DMD: variants seen among roughly 807,000 people sequenced by gnomAD.
DMD encodes mutant dystrophin.
A neutral mutation model predicts 330.1 loss-of-function variants in DMD; 63 were observed. The observed-to-expected ratio is 0.19, with a 90% CI of 0.16 to 0.24. DMD has a LOEUF of 0.24. Among genes scored for constraint, DMD ranks in the 10% least tolerant of loss-of-function variants. The pLI, the probability that DMD is intolerant of heterozygous loss-of-function variation, is 1.00. For missense variants in DMD, 3,344 were observed against 2,684.1 expected (o/e 1.25, Z -5.43); for synonymous variants, 1,223 against 959.8 (o/e 1.27, Z -5.07).
chrX:32,810,969 T>G lies in DMD; in HGVS notation c.531-1358A>C, dbSNP rs7066654. Reference sequence around the variant, plus strand: ...CGAAGACATAAACATGGCTCACTCCTTTACTTCCATTGGGTCTTTACTCGA... The same window carrying G: ...CGAAGACATAAACATGGCTCACTCCGTTACTTCCATTGGGTCTTTACTCGA... On this transcript the variant is annotated intron_variant, in intron 6 of 78. Coordinates refer to ENST00000357033, the MANE Select transcript of DMD (RefSeq NM_004006.3). 9.0e-3 allele frequency among the ~76,000 whole-genome samples: 1,001 copies of G among 110,665 alleles called. 12 individuals carry two copies. Among genetic ancestry groups the G allele is most frequent in the African/African-American group, 0.03 (924 of 30,358 alleles).
chrX:31,236,020 T>A (rs940565244), intron 63 of DMD, among the ~76,000 whole-genome samples: 2 of 112,254 alleles, frequency 1.8e-5, no homozygotes, highest in Admixed American at 9.5e-5. Flanking sequence ...GTGGACACAG[T>A]TTTGGCCAAT....
intron 62 of DMD, among the ~76,000 whole-genome samples, chrX:31,317,912 G>T (rs1250229889): frequency 8.9e-6 from 1 of 111,890 alleles, no homozygotes; most frequent in South Asian, 3.7e-4. Flanking sequence ...GCCAACACAG[G>T]GATATTTAAC....
At chrX:31,782,352 G>C (rs1320187639) in intron 50 of DMD, among the ~76,000 whole-genome samples, 1 of 111,067 alleles carries the variant, frequency 9.0e-6, no homozygotes, top group Non-Finnish European at 1.9e-5. Flanking sequence ...CTTGGGTGTT[G>C]GGCTATGCTT....
chrX:31,474,280 T>G (rs2149233989), intron 59 of DMD, among the ~76,000 whole-genome samples: 1 of 111,861 alleles, frequency 8.9e-6, no homozygotes, highest in South Asian at 3.7e-4. Context: ...TACAGAATGC[T>G]AAATCTCACA....
Position 33,009,998 on chromosome X carries a change from GTA to G in DMD, c.93+10139_93+10140del, listed in dbSNP as rs1491168052. Among the ~76,000 whole-genome samples the G allele has an allele frequency of 1.8e-4, 5 of 27,168 alleles. 1 individual carries two copies. Among genetic ancestry groups the G allele is most frequent in the Admixed American group, 3.3e-4 (1 of 3,024 alleles). The allele number at this position is 27,168 out of a possible 115,157, so 23.6% of individuals were successfully genotyped here. A position where few individuals can be genotyped will look rare whatever the true frequency, so the allele number is the denominator to read the frequency against. ...TGTATACACATGTGTGTATATACAC[GTA>G]TGTATGTGTATATACACATATGTGT... On this transcript the variant is annotated intron_variant, in intron 2 of 78. Coordinates refer to ENST00000357033, the MANE Select transcript of DMD (RefSeq NM_004006.3).
intron 7 of DMD, among the ~76,000 whole-genome samples, chrX:32,793,901 A>G (rs2076002033): frequency 1.8e-5 from 2 of 111,614 alleles, no homozygotes; most frequent in African/African-American, 6.5e-5. Context: ...CTATGAAGCC[A>G]GCATTACCCT....
chrX:31,362,780 T>C (rs962911013), intron 60 of DMD, among the ~76,000 whole-genome samples: 5 of 111,801 alleles, frequency 4.5e-5, no homozygotes, highest in Non-Finnish European at 9.4e-5. Flanking sequence ...CCGTCTCTAG[T>C]AAAAACACAA....
intron 43 of DMD, among the ~76,000 whole-genome samples, chrX:32,263,928 A>G (rs1287375593): frequency 8.9e-6 from 1 of 112,218 alleles, no homozygotes; most frequent in East Asian, 2.8e-4. Context: ...CACTTCCAAG[A>G]GACTACTGCT....
At chrX:32,722,656 G>A (rs968023535) in intron 7 of DMD, among the ~76,000 whole-genome samples, 1 of 110,483 alleles carries the variant, frequency 9.1e-6, no homozygotes, top group Non-Finnish European at 1.9e-5. Flanking sequence ...TTGGTTGTAC[G>A]TATTTTTCAC....
At chrX:31,852,524 A>G (rs1436899741) in intron 48 of DMD, among the ~76,000 whole-genome samples, 3 of 111,264 alleles carry the variant, frequency 2.7e-5, no homozygotes, top group Non-Finnish European at 5.7e-5. Flanking sequence ...CAATCCTAGC[A>G]TGAATTGACT....
chrX:32,468,579 T>C lies in DMD; in HGVS notation c.3081A>G (p.Gly1027=). 1.7e-6 allele frequency: 2 copies of C among 1,210,944 alleles called. No homozygotes were observed. The highest frequency in any genetic ancestry group is 1.7e-5 in the African/African-American group (1 of 57,826). The change falls in exon 23 of 79, where the codon GGA becomes GGG. Residue 1027 remains glycine (G), a synonymous_variant. Transcript: ENST00000357033. ...GCTGGGAGGAGAGCTTCTTCCAGCG[T>C]CCCTCAATTTCTTCAAATTCTGATT... The part of the protein sequence containing the change: ...KYQSEFEEIE[G]RWKKLSSQLV...
At chrX:33,125,076 A>T (rs190710949) in intron 1 of DMD, among the ~76,000 whole-genome samples, 1 of 109,219 alleles carries the variant, frequency 9.2e-6, no homozygotes, top group African/African-American at 3.3e-5. Flanking sequence ...AGAAAACCAT[A>T]AATTAATGTC....
At chrX:32,986,677 C>T (rs1277208771) in intron 2 of DMD, among the ~76,000 whole-genome samples, 1 of 112,078 alleles carries the variant, frequency 8.9e-6, no homozygotes, top group Non-Finnish European at 1.9e-5. Flanking sequence ...TACATTGAAG[C>T]AAACAATCTA....
At chrX:33,253,862 T>C (rs188708053) in intron 1 of DMD, among the ~76,000 whole-genome samples, 1 of 111,359 alleles carries the variant, frequency 9.0e-6, no homozygotes, top group East Asian at 2.8e-4. Flanking sequence ...ATTTTAATAG[T>C]AATTTATTCA....
intron 2 of DMD, among the ~76,000 whole-genome samples, chrX:32,853,169 G>T (rs1006036058): frequency 5.4e-5 from 6 of 111,856 alleles, no homozygotes; most frequent in Non-Finnish European, 1.1e-4. Context: ...CAGAAGCTGT[G>T]GGATTTCATC....
chrX:32,484,284 C>G (rs1026340716), intron 21 of DMD, among the ~76,000 whole-genome samples: 1 of 111,895 alleles, frequency 8.9e-6, no homozygotes, highest in Non-Finnish European at 1.9e-5. Flanking sequence ...GGAGCAGATA[C>G]TATGTATTAA....
intron 4 of DMD, among the ~76,000 whole-genome samples, chrX:32,841,575 CACTT>C (rs1307505551): frequency 2.7e-5 from 3 of 111,776 alleles, no homozygotes; most frequent in African/African-American, 9.8e-5. Context: ...TTTAATGACA[CACTT>C]AGTACTGTGA....
chrX:31,501,567 T>C (rs186531458), intron 56 of DMD, among the ~76,000 whole-genome samples: 59 of 111,914 alleles, frequency 5.3e-4, no homozygotes, highest in African/African-American at 1.8e-3. Context: ...GCAGAGCCTT[T>C]AGATGTGCTG....
At chrX:32,109,036 T>C (rs997646416) in intron 44 of DMD, among the ~76,000 whole-genome samples, 4 of 112,034 alleles carry the variant, frequency 3.6e-5, no homozygotes, top group African/African-American at 1.3e-4. Context: ...AAAGAAGATA[T>C]TTATAATTTT....
Sources: allele counts gnomAD v4.1 joint callset (sites outside exome capture counted in the v4.1 genomes callset), GRCh38; gene constraint gnomAD v4.1.1; transcripts MANE v1.5; gene names NCBI Gene and HGNC (gene_info 2026-07-23, HGNC 2026-07-21).